Variants in KIRREL3 observed in about 807,000 individuals in gnomAD.
KIRREL3 encodes kin of IRRE-like protein 3.
Under a neutral mutation model 89.7 loss-of-function variants are expected in KIRREL3, and 36 were observed. The ratio of observed to expected loss-of-function variants is 0.40; its 90% CI spans 0.31 to 0.53. KIRREL3 has a LOEUF of 0.53. KIRREL3 is among the 20% of genes least tolerant of loss of function. The pLI is 0.49. For synonymous variants in KIRREL3, 445 were observed against 441.4 expected, an observed-to-expected ratio of 1.01 and a Z score of -0.10; for missense variants, 864 against 1,056.6, an observed-to-expected ratio of 0.82 and a Z score of 2.53.
In KIRREL3 at chr11:126,565,221, A is replaced by C. The variant is rs569575327; in HGVS notation, c.56-2309T>G. ...TCTTACAGATTTAGAGAGTGTGAGC[A>C]ATCTGTTGACTCTGGATTGTCTTAG... is the stretch of plus-strand genomic sequence containing the variant. On this transcript the variant is annotated intron_variant, in intron 1 of 16. Transcript: ENST00000525144. This position sits in a 1 kb window ranked among gnomAD's most constrained non-coding sequence, Gnocchi z 5.4. Among the ~76,000 whole-genome samples the C allele has an allele frequency of 3.1e-4, 47 of 152,326 alleles. No individual in the cohort carries two copies. The highest frequency in any genetic ancestry group is 9.1e-4 in the African/African-American group (38 of 41,568).
rs10450633 is a variant in KIRREL3 at position 126,682,728 on chromosome 11, G to T, written c.56-119816C>A. ...CCATCACATGCGCAGTTCACAACAGGGCTGGTGCTCCTAGGAGAATCTAAC... is the reference window on the plus strand; with the variant it reads ...CCATCACATGCGCAGTTCACAACAGTGCTGGTGCTCCTAGGAGAATCTAAC... On this transcript the variant is annotated intron_variant, in intron 1 of 16. Transcript: ENST00000525144. This position sits in a 1 kb window ranked among gnomAD's most constrained non-coding sequence, Gnocchi z 4.8. Among the ~76,000 whole-genome samples, 2 of 152,078 alleles carry T rather than the reference G, an allele frequency of 1.3e-5. No individual in the cohort carries two copies.
In KIRREL3 at chr11:126,696,995, C is replaced by T. The variant is rs1239917817; in HGVS notation, c.56-134083G>A. On this transcript the variant is annotated intron_variant, in intron 1 of 16. Transcript: ENST00000525144. This position sits in a 1 kb window ranked among gnomAD's most constrained non-coding sequence, Gnocchi z 4.4. Reference sequence around the variant, plus strand: ...GCACTTAAACATGACAAAAAAAATGCACTAAATAAGTGTCATCTCCTTCCT... The same window carrying T: ...GCACTTAAACATGACAAAAAAAATGTACTAAATAAGTGTCATCTCCTTCCT... Among the ~76,000 whole-genome samples the T allele has an allele frequency of 6.6e-6, 1 of 152,160 alleles. No homozygotes were observed. The highest frequency in any genetic ancestry group is 2.4e-5 in the African/African-American group (1 of 41,422).
chr11:126,512,485 T>C (rs185593554), intron 4 of KIRREL3, among the ~76,000 whole-genome samples: 1 of 152,224 alleles, frequency 6.6e-6, no homozygotes, highest in East Asian at 1.9e-4. Flanking sequence ...TGCAGGCTTG[T>C]GGGGATGCTG....
intron 4 of KIRREL3, among the ~76,000 whole-genome samples, chr11:126,482,768 T>A (rs539883830): frequency 6.1e-4 from 93 of 152,338 alleles, no homozygotes; most frequent in African/African-American, 2.1e-3. Context: ...CTGCCCTGCC[T>A]GGCTTGGCAT....
chr11:126,663,503 C>T (rs1427594794), intron 1 of KIRREL3, among the ~76,000 whole-genome samples: 8 of 152,144 alleles, frequency 5.3e-5, no homozygotes, highest in Admixed American at 5.2e-4. Context: ...TAGTTTATCT[C>T]CTGCAATTCC....
At chr11:126,467,819 A>C (rs922283890) in intron 5 of KIRREL3, among the ~76,000 whole-genome samples, 1 of 152,210 alleles carries the variant, frequency 6.6e-6, no homozygotes, top group South Asian at 2.1e-4. Context: ...CTTCACAGAG[A>C]AGGCCAGGAT....
At chr11:126,690,485 G>A (rs1173267804) in intron 1 of KIRREL3, among the ~76,000 whole-genome samples, 2 of 152,148 alleles carry the variant, frequency 1.3e-5, no homozygotes, top group South Asian at 2.1e-4. Context: ...ACCTAGAAGG[G>A]CTCTGGTTGG....
At chr11:126,753,643 T>C (rs764970815) in intron 1 of KIRREL3, among the ~76,000 whole-genome samples, 1 of 151,950 alleles carries the variant, frequency 6.6e-6, no homozygotes, top group Non-Finnish European at 1.5e-5. Context: ...TATATTAAGA[T>C]CTAGGGAAGG....
rs1956898945 is a variant in KIRREL3, at chr11:126,471,758, C to T, written c.591+1551G>A. Reference sequence around the variant, plus strand: ...TGGTTGGTCTGCTTTGATATAAAGCCTGCTTGCTATCTCCAGGAATTAGCT... The same window carrying T: ...TGGTTGGTCTGCTTTGATATAAAGCTTGCTTGCTATCTCCAGGAATTAGCT... On this transcript the variant is annotated intron_variant, in intron 5 of 16. Coordinates refer to ENST00000525144, the MANE Select transcript of KIRREL3 (RefSeq NM_032531.4). This position sits in a 1 kb window ranked among gnomAD's most constrained non-coding sequence, Gnocchi z 5.4. Among the ~76,000 whole-genome samples the T allele has an allele frequency of 6.6e-6, 1 of 152,148 alleles. No homozygotes were observed. The highest frequency in any genetic ancestry group is 2.1e-4 in the South Asian group (1 of 4,822).
intron 1 of KIRREL3, among the ~76,000 whole-genome samples, chr11:126,945,351 A>G (rs1476718023): frequency 2.0e-5 from 3 of 152,122 alleles, no homozygotes; most frequent in Non-Finnish European, 4.4e-5. Flanking sequence ...CAGAGGTGGG[A>G]GAATGCCAGA....
At chr11:126,862,913 G>T (rs1444624477) in intron 1 of KIRREL3, among the ~76,000 whole-genome samples, 1 of 152,196 alleles carries the variant, frequency 6.6e-6, no homozygotes, top group Non-Finnish European at 1.5e-5. Context: ...GTTTCTCACC[G>T]TGGCTTTCTG....
At position 126,519,645 on chromosome 11, in the gene KIRREL3, A is replaced by G. The variant is rs566326189; in HGVS notation, c.433+1670T>C. ...TTCCAGCATCCTCTGGCCCCTCTAG[A>G]AGGTGTATGAGTCGGTAGAGGCAGA... On this transcript the variant is annotated intron_variant, in intron 4 of 16. Coordinates refer to ENST00000525144, the MANE Select transcript of KIRREL3 (RefSeq NM_032531.4). This position sits in a 1 kb window ranked among gnomAD's most constrained non-coding sequence, Gnocchi z 4.3. 6.6e-6 allele frequency among the ~76,000 whole-genome samples: 1 copy of G among 152,288 alleles called. No individual in the cohort carries two copies. The highest frequency in any genetic ancestry group is 6.5e-5 in the Admixed American group (1 of 15,294).
In KIRREL3 at chr11:126,653,667, A is replaced by G. The variant is rs533102921; in HGVS notation, c.56-90755T>C. Among the ~76,000 whole-genome samples the G allele has an allele frequency of 1.3e-5, 2 of 152,162 alleles. No individual in the cohort carries two copies. The highest frequency in any genetic ancestry group is 2.9e-5 in the Non-Finnish European group (2 of 68,030). On this transcript the variant is annotated intron_variant, in intron 1 of 16. Coordinates refer to ENST00000525144, the MANE Select transcript of KIRREL3 (RefSeq NM_032531.4). The surrounding 1 kb of genome is among the most constrained non-coding windows in gnomAD (Gnocchi z 5.4). ...ACCCGACTCTCTCCTGGCAGCATTCAATGTGACACGCCAGGGCAATGAGAA... is the reference window on the plus strand; with the variant it reads ...ACCCGACTCTCTCCTGGCAGCATTCGATGTGACACGCCAGGGCAATGAGAA...
In KIRREL3 at chr11:126,766,066, A is replaced by T. The variant is rs913325436; in HGVS notation, c.56-203154T>A. 6.6e-6 allele frequency among the ~76,000 whole-genome samples: 1 copy of T among 151,860 alleles called. No homozygotes were observed. The highest frequency in any genetic ancestry group is 2.4e-5 in the African/African-American group (1 of 41,346). On this transcript the variant is annotated intron_variant, in intron 1 of 16. Transcript: ENST00000525144. This position sits in a 1 kb window ranked among gnomAD's most constrained non-coding sequence, Gnocchi z 4.2. ...CTTTGCCGTTTACTTCCAAATTCCC[A>T]TAACTCACTGCTTTTGCCAGCCCTC...
chr11:126,607,781 C>T lies in KIRREL3; in HGVS notation c.56-44869G>A, dbSNP rs941915827. ...TAGTCCTAATGATTTGCTGAAGGGCCGAGTTGCTTAGCCCTGCAGGGTACA... is the reference window on the plus strand; with the variant it reads ...TAGTCCTAATGATTTGCTGAAGGGCTGAGTTGCTTAGCCCTGCAGGGTACA... On this transcript the variant is annotated intron_variant, in intron 1 of 16. Coordinates refer to ENST00000525144, the MANE Select transcript of KIRREL3 (RefSeq NM_032531.4). The surrounding 1 kb of genome is among the most constrained non-coding windows in gnomAD (Gnocchi z 6.6). Among the ~76,000 whole-genome samples the T allele has an allele frequency of 6.6e-6, 1 of 152,054 alleles. No individual in the cohort carries two copies. The highest frequency in any genetic ancestry group is 1.5e-5 in the Non-Finnish European group (1 of 68,018).
chr11:126,688,969 C>T (rs2135125609), intron 1 of KIRREL3, among the ~76,000 whole-genome samples: 2 of 151,138 alleles, frequency 1.3e-5, no homozygotes, highest in Admixed American at 1.3e-4. Context: ...TTTTTCCGCT[C>T]TCAATCTTGT....
intron 1 of KIRREL3, among the ~76,000 whole-genome samples, chr11:126,928,955 G>C (rs1243734678): frequency 1.3e-5 from 2 of 152,088 alleles, no homozygotes. Context: ...AGAATGAATG[G>C]ATGAAATAAA....
At chr11:126,884,499 A>G (rs1318783790) in intron 1 of KIRREL3, among the ~76,000 whole-genome samples, 1 of 152,236 alleles carries the variant, frequency 6.6e-6, no homozygotes, top group African/African-American at 2.4e-5. Context: ...CGCCAGGATG[A>G]GGGGCTATCC....
rs1173670395 is a variant in KIRREL3 at position 126,628,895 on chromosome 11, C to G, written c.56-65983G>C. Among the ~76,000 whole-genome samples the G allele has an allele frequency of 2.6e-5, 4 of 152,208 alleles. No individual in the cohort carries two copies. Among genetic ancestry groups the G allele is most frequent in the African/African-American group, 9.7e-5 (4 of 41,448 alleles). On this transcript the variant is annotated intron_variant, in intron 1 of 16. Transcript: ENST00000525144. This position sits in a 1 kb window ranked among gnomAD's most constrained non-coding sequence, Gnocchi z 5.2. ...GAAAGCATCTGACAGCACAGGGAGG[C>G]AGGGCTTCCCCAGCCCAGCAGAGGC... is the stretch of plus-strand genomic sequence containing the variant.
Sources: gnomAD v4.1 joint callset for allele counts (sites outside exome capture counted in the v4.1 genomes callset) on GRCh38, gnomAD v4.1.1 for gene constraint, Gnocchi (gnomAD v3.1) non-coding constraint, MANE v1.5 for transcripts, NCBI Gene and HGNC (gene_info 2026-07-23, HGNC 2026-07-21) for gene names.